The following CHL1 variants were observed in gnomAD, a reference collection of about 807,000 sequenced individuals.
CHL1 encodes the protein neural cell adhesion molecule L1-like protein.
CHL1 carries 96 observed loss-of-function variants against 141.9 expected under a neutral mutation model. The ratio of observed to expected loss-of-function variants is 0.68; its 90% CI spans 0.57 to 0.80. CHL1 has a LOEUF of 0.80. Among genes scored for constraint, CHL1 ranks in the 30% least tolerant of loss-of-function variants. CHL1 has a pLI of 0.00. For synonymous variants in CHL1, 613 were observed against 502.2 expected, an observed-to-expected ratio of 1.22 and a Z score of -2.95; for missense variants, 1,820 against 1,457.2, an observed-to-expected ratio of 1.25 and a Z score of -4.05.
At chr3:197,975 G>A in intron 1 of CHL1, 1 of 367,220 alleles carries the variant, frequency 2.7e-6, no homozygotes, top group South Asian at 2.0e-5. Context: ...GGGAAAGCCA[G>A]CCCCTCCGTT....
chr3:242,705 GAGAGAGATT>G (rs1403656662), intron 1 of CHL1, among the ~76,000 whole-genome samples: 1 of 151,810 alleles, frequency 6.6e-6, no homozygotes. Context: ...CACAGAGAGA[GAGAGAGATT>G]AGATTAGTAG....
intron 2 of CHL1, among the ~76,000 whole-genome samples, chr3:294,620 C>T (rs1377891399): frequency 6.6e-6 from 1 of 151,252 alleles, no homozygotes; most frequent in South Asian, 2.1e-4. Context: ...TAGTCATTCA[C>T]TAAACCCTTC....
At position 405,474 on chromosome 3, in the gene CHL1, TTTTG is replaced by T. The variant is rs754891444; in HGVS notation, c.3459-9_3459-6del. On this transcript the variant is annotated splice_polypyrimidine_tract_variant and intron_variant, in intron 27 of 27. Coordinates refer to ENST00000256509, the MANE Select transcript of CHL1 (RefSeq NM_006614.4). The stretch of plus-strand genomic sequence containing the variant: ...TTAATATTAGATTTTGTTGAGCTAT[TTTTG>T]TTTGTTTGTTTTCTAGTGACAGTGA... The T allele has an allele frequency of 4.6e-6, 7 of 1,508,742 alleles. No individual in the cohort carries two copies. Among genetic ancestry groups the T allele is most frequent in the Non-Finnish European group, 6.4e-6 (7 of 1,086,032 alleles). The allele number at this position is 1,508,742 out of a possible 1,614,324, so 93.5% of individuals were successfully genotyped here.
intron 5 of CHL1, among the ~76,000 whole-genome samples, chr3:331,809 A>G (rs1018080483): frequency 2.0e-5 from 3 of 152,246 alleles, no homozygotes; most frequent in African/African-American, 7.2e-5. Flanking sequence ...CTGGAGGGCC[A>G]ATAAAAATGT....
intron 2 of CHL1, among the ~76,000 whole-genome samples, chr3:290,820 C>A (rs1159646452): frequency 6.6e-6 from 1 of 151,640 alleles, no homozygotes; most frequent in South Asian, 2.1e-4. Context: ...CCTGTAATCC[C>A]AGCTACTTGG....
chr3:311,349 T>G (rs1036609176), intron 2 of CHL1, among the ~76,000 whole-genome samples: 1 of 151,500 alleles, frequency 6.6e-6, no homozygotes, highest in Non-Finnish European at 1.5e-5. Flanking sequence ...TATCCACAAT[T>G]TATTGACCAC....
chr3:367,145 A>ATTTG (rs1212738780), intron 15 of CHL1, among the ~76,000 whole-genome samples: 1 of 152,260 alleles, frequency 6.6e-6, no homozygotes, highest in East Asian at 1.9e-4. Flanking sequence ...AAAAGTCAGC[A>ATTTG]TTTGCTGAAT....
At chr3:278,910 A>G (rs928801872) in intron 2 of CHL1, among the ~76,000 whole-genome samples, 2 of 152,188 alleles carry the variant, frequency 1.3e-5, no homozygotes, top group Admixed American at 1.3e-4. Flanking sequence ...AAATCCAGGA[A>G]GCATGAGTTT....
intron 15 of CHL1, among the ~76,000 whole-genome samples, chr3:374,830 C>T (rs1706112227): frequency 6.6e-6 from 1 of 152,222 alleles, no homozygotes. Flanking sequence ...TAACCTCATA[C>T]TTCTTACCTT....
chr3:400,309 C>G (rs1018370124), intron 26 of CHL1, among the ~76,000 whole-genome samples: 2 of 152,102 alleles, frequency 1.3e-5, no homozygotes, highest in Non-Finnish European at 2.9e-5. Flanking sequence ...ACTTTTTTCT[C>G]TGAAGACTGA....
At position 391,114 on chromosome 3, in the gene CHL1, G is replaced by A. The variant is rs1436359537; in HGVS notation, c.2746G>A (p.Ala916Thr). The change falls in exon 22 of 28, where the codon GCT (alanine) becomes ACT (threonine). Residue 916 changes from alanine (A) to threonine (T), a missense_variant. Physicochemically the swap from Ala to Thr is moderately conservative, Grantham distance 58. Transcript: ENST00000256509. ...AGTCTTAGCCTATAACTCTAAAGGA[G>A]CTGGTCCTGAAAGTGAGCCTTATAT... is the stretch of plus-strand genomic sequence containing the variant. ...LTVLAYNSKG[A>T]GPESEPYIFQ... 6.2e-7 allele frequency: 1 copy of A among 1,613,922 alleles called. No homozygotes were observed. The highest frequency in any genetic ancestry group is 8.5e-7 in the Non-Finnish European group (1 of 1,179,838).
intron 2 of CHL1, chr3:247,505 G>C (rs1331394382): frequency 1.3e-5 from 2 of 152,078 alleles, no homozygotes; most frequent in Non-Finnish European, 2.9e-5. Context: ...CGCTTTGTAA[G>C]TGTAGAGGTG....
At chr3:389,120 AG>A in intron 19 of CHL1, 131 bp from the exon 20 acceptor site, 1 of 733,430 alleles carries the variant, frequency 1.4e-6, no homozygotes, top group Admixed American at 2.8e-5. Flanking sequence ...TAAACCAAGA[AG>A]GGGGATTTAA....
rs766972721 is a variant in CHL1 at position 360,127 on chromosome 3, T to C, written c.1166-157T>C. ...TGGATCTGGAAAGAAAAGTCCATAG[T>C]TGATGTTCAGAAAACCTAAAGAATT... On this transcript the variant is annotated intron_variant, in intron 11 of 27. Transcript: ENST00000256509. Among the ~76,000 whole-genome samples, 3 of 152,332 alleles carry C rather than the reference T, an allele frequency of 2.0e-5. 1 individual carries two copies. The highest frequency in any genetic ancestry group is 3.9e-4 in the East Asian group (2 of 5,188).
intron 1 of CHL1, among the ~76,000 whole-genome samples, chr3:220,168 G>A (rs540117656): frequency 3.9e-5 from 6 of 152,168 alleles, no homozygotes; most frequent in South Asian, 2.1e-4. Flanking sequence ...GGTGGTTGAC[G>A]ACTGACATGA....
chr3:231,198 A>G (rs919983850), intron 1 of CHL1, among the ~76,000 whole-genome samples: 4 of 152,226 alleles, frequency 2.6e-5, no homozygotes, highest in African/African-American at 4.8e-5. Flanking sequence ...GAGAAAGACA[A>G]TGCATACTGG....
At chr3:235,301 TGGTCATGTGACATTA>T (rs1386322270) in intron 1 of CHL1, among the ~76,000 whole-genome samples, 1 of 152,048 alleles carries the variant, frequency 6.6e-6, no homozygotes. Context: ...CCTGGAGAAA[TGGTCATGTGACATTA>T]GGCAATATGT....
At position 390,825 on chromosome 3, in the gene CHL1, C is replaced by A. The variant is rs1708159534; in HGVS notation, c.2586+9C>A. On this transcript the variant is annotated intron_variant, in intron 21 of 27. Coordinates refer to ENST00000256509, the MANE Select transcript of CHL1 (RefSeq NM_006614.4). ...GTCTGAAAGGCTATCAGGTTTTTATCATCATGGTTTTTCCTCTTCTTGTTG... is the reference window on the plus strand; with the variant it reads ...GTCTGAAAGGCTATCAGGTTTTTATAATCATGGTTTTTCCTCTTCTTGTTG... 1.3e-6 allele frequency: 2 copies of A among 1,553,260 alleles called. No individual in the cohort carries two copies.
At chr3:355,717 C>A (rs1417569181) in intron 11 of CHL1, among the ~76,000 whole-genome samples, 1 of 152,106 alleles carries the variant, frequency 6.6e-6, no homozygotes, top group Non-Finnish European at 1.5e-5. Flanking sequence ...TCTCCCCAAG[C>A]TTACGTTTTT....
Sources: gnomAD v4.1 joint callset for allele counts (sites outside exome capture counted in the v4.1 genomes callset) on GRCh38, gnomAD v4.1.1 for gene constraint, MANE v1.5 for transcripts, NCBI Gene and HGNC (gene_info 2026-07-23, HGNC 2026-07-21) for gene names.